Variants in DOCK7 observed in about 807,000 individuals in gnomAD.
DOCK7 encodes dedicator of cytokinesis 7, also known as dedicator of cytokinesis protein 7.
Under a neutral mutation model 271.0 loss-of-function variants are expected in DOCK7, and 138 were observed. The observed-to-expected ratio is 0.51, with a 90% confidence interval of 0.44 to 0.59. The LOEUF (loss-of-function observed/expected upper bound fraction) is 0.59. Ranked by LOEUF, DOCK7 falls within the 20% of genes least tolerant of loss-of-function variation. The probability of loss-of-function intolerance (pLI) is 0.00; values close to 1 mark genes in which losing one functional copy is unlikely to be tolerated. For synonymous variants in DOCK7, 823 were observed against 876.1 expected (o/e 0.94, Z 1.07); for missense variants, 2,066 against 2,592.4 (o/e 0.80, Z 4.41).
intron 25 of DOCK7, among the ~76,000 whole-genome samples, chr1:62,542,166 C>T (rs1266033963): frequency 1.3e-5 from 2 of 152,182 alleles, no homozygotes; most frequent in Non-Finnish European, 2.9e-5. Context: ...GTGTGAGCCA[C>T]TGCACCCAGC....
intron 43 of DOCK7, among the ~76,000 whole-genome samples, chr1:62,480,466 C>T (rs529308780): frequency 6.6e-6 from 1 of 152,098 alleles, no homozygotes; most frequent in South Asian, 2.1e-4. Context: ...AATTACAAAA[C>T]AAAGGGATAT....
At chr1:62,475,451 G>C in intron 46 of DOCK7, 100 bp from the exon 47 acceptor site, 1 of 1,359,900 alleles carries the variant, frequency 7.4e-7, no homozygotes, top group Non-Finnish European at 9.9e-7. Context: ...AAGATCAATT[G>C]TAAACTTTCA....
chr1:62,468,990 T>C (rs1249144782), intron 48 of DOCK7, among the ~76,000 whole-genome samples: 2 of 152,146 alleles, frequency 1.3e-5, no homozygotes, highest in African/African-American at 2.4e-5. Flanking sequence ...AAAATGACCA[T>C]ACTGCCAAAA....
intron 14 of DOCK7, among the ~76,000 whole-genome samples, chr1:62,611,141 T>G (rs907046013): frequency 1.6e-4 from 24 of 152,192 alleles, no homozygotes; most frequent in African/African-American, 5.8e-4. Flanking sequence ...ATTTAGAAAA[T>G]ACAATAGTTT....
At chr1:62,574,759 C>T (rs1646893526) in intron 18 of DOCK7, among the ~76,000 whole-genome samples, 2 of 151,988 alleles carry the variant, frequency 1.3e-5, no homozygotes, top group Non-Finnish European at 2.9e-5. Flanking sequence ...GACAGAGTCT[C>T]ACTCTGCCGC....
intron 22 of DOCK7, among the ~76,000 whole-genome samples, chr1:62,551,624 A>T (rs1645908222): frequency 6.6e-6 from 1 of 152,098 alleles, no homozygotes; most frequent in Non-Finnish European, 1.5e-5. Flanking sequence ...AGATAAAATT[A>T]TATACATTAT....
chr1:62,516,393 AT>A (rs1644662951), intron 31 of DOCK7, among the ~76,000 whole-genome samples: 1 of 152,146 alleles, frequency 6.6e-6, no homozygotes, highest in Admixed American at 6.5e-5. Context: ...TTGAGGGACT[AT>A]TTTCCCCATT....
At chr1:62,660,231 C>T (rs1284998608) in intron 2 of DOCK7, among the ~76,000 whole-genome samples, 3 of 152,152 alleles carry the variant, frequency 2.0e-5, no homozygotes, top group Non-Finnish European at 4.4e-5. Flanking sequence ...TGTTCTCTGA[C>T]TATAGTAGAA....
At chr1:62,500,267 T>C (rs1041490941) in intron 37 of DOCK7, among the ~76,000 whole-genome samples, 48 of 151,830 alleles carry the variant, frequency 3.2e-4, no homozygotes, top group African/African-American at 1.1e-3. Flanking sequence ...AAGGCAGAAA[T>C]ACAAGAAGTC....
intron 48 of DOCK7, among the ~76,000 whole-genome samples, 155 bp downstream of exon 48, chr1:62,473,827 C>A (rs557299464): frequency 1.1e-4 from 17 of 152,248 alleles, no homozygotes; most frequent in African/African-American, 3.9e-4. Context: ...TCAAATGATT[C>A]TTCTGCCTCA....
At position 62,475,282 on chromosome 1, in the gene DOCK7, T is replaced by C. The variant is rs1645936986; in HGVS notation, c.6031A>G (p.Thr2011Ala). ...QKKTQELAFA[T>A]HQDPADPKML... is the part of the protein sequence containing the mutation. ...TTGGGGTCTGCGGGATCCTGATGTG[T>C]TGCAAATGCCAACTCCTGTGTCTTT... Residue 2011 changes from threonine (T) to alanine (A), a missense_variant, in exon 47 of 50, where the codon ACA becomes GCA. By Grantham distance (58) the Thr-to-Ala change is moderately conservative (BLOSUM62 0). Coordinates refer to ENST00000635253, the MANE Select transcript of DOCK7 (RefSeq NM_001367561.1). 3 of 1,614,088 alleles carry C rather than the reference T, an allele frequency of 1.9e-6. No homozygotes were observed. Among genetic ancestry groups the C allele is most frequent in the Non-Finnish European group, 2.5e-6 (3 of 1,179,960 alleles).
intron 34 of DOCK7, among the ~76,000 whole-genome samples, chr1:62,509,891 C>T (rs1476728985): frequency 6.6e-6 from 1 of 152,054 alleles, no homozygotes; most frequent in African/African-American, 2.4e-5. Context: ...TAAAGGGCTC[C>T]CTGGGATGTG....
In DOCK7 at chr1:62,558,885, G is replaced by C. The variant is rs12566265; in HGVS notation, c.2431+104C>G. 0.013 allele frequency: 11,510 copies of C among 884,564 alleles called. 378 individuals are homozygous for C. Among genetic ancestry groups the C allele is most frequent in the African/African-American group, 0.086 (5,015 of 58,472 alleles). The allele number at this position is 884,564 out of a possible 1,614,324, so 54.8% of individuals were successfully genotyped here. A position where few individuals can be genotyped will look rare whatever the true frequency, so the allele number is the denominator to read the frequency against. On this transcript the variant is annotated intron_variant, in intron 20 of 49. Coordinates refer to ENST00000635253, the MANE Select transcript of DOCK7 (RefSeq NM_001367561.1). Reference sequence around the variant, plus strand: ...CATCTTCCACCCCAAATCAAATATAGTCCTTATATATAGCAAATAGAAATC... The same window carrying C: ...CATCTTCCACCCCAAATCAAATATACTCCTTATATATAGCAAATAGAAATC...
intron 4 of DOCK7, among the ~76,000 whole-genome samples, chr1:62,650,875 A>G (rs1657253306): frequency 6.6e-6 from 1 of 152,186 alleles, no homozygotes; most frequent in African/African-American, 2.4e-5. Context: ...ACCACTGTGG[A>G]AGACAGTGTG....
intron 11 of DOCK7, chr1:62,627,701 T>C (rs1160117617): frequency 6.6e-6 from 1 of 151,918 alleles, no homozygotes; most frequent in Non-Finnish European, 1.5e-5. Flanking sequence ...ACTTGTACAC[T>C]GAAAATGACA....
At chr1:62,604,595 A>C in intron 14 of DOCK7, 3 of 1,573,890 alleles carry the variant, frequency 1.9e-6, no homozygotes, top group Non-Finnish European at 2.6e-6. Context: ...ACTACATACG[A>C]GTCTGTACCC....
intron 31 of DOCK7, among the ~76,000 whole-genome samples, chr1:62,514,532 A>G (rs1644601363): frequency 6.6e-6 from 1 of 152,006 alleles, no homozygotes; most frequent in Admixed American, 6.6e-5. Flanking sequence ...TTGGACATAC[A>G]CTCTGTTTCA....
At chr1:62,603,952 A>G in intron 14 of DOCK7, 1 of 1,611,286 alleles carries the variant, frequency 6.2e-7, no homozygotes, top group Admixed American at 1.7e-5. Context: ...ACAGATTTTT[A>G]AAACTTTTCT....
chr1:62,509,174 G>A (rs1192198915), intron 34 of DOCK7, among the ~76,000 whole-genome samples: 5 of 151,846 alleles, frequency 3.3e-5, no homozygotes, highest in Admixed American at 6.6e-5. Flanking sequence ...TTATTTGGGC[G>A]TGGTGGTGCA....
Sources: gnomAD v4.1 joint callset for allele counts (sites outside exome capture counted in the v4.1 genomes callset) on GRCh38, gnomAD v4.1.1 for gene constraint, MANE v1.5 for transcripts, NCBI Gene and HGNC (gene_info 2026-07-23, HGNC 2026-07-21) for gene names.